LRMDA: variants seen among roughly 807,000 people sequenced by gnomAD.
LRMDA encodes the protein leucine-rich melanocyte differentiation-associated protein.
A neutral mutation model predicts 29.8 loss-of-function variants in LRMDA; 18 were observed. The ratio of observed to expected loss-of-function variants is 0.60; its 90% CI spans 0.42 to 0.90. The LOEUF (loss-of-function observed/expected upper bound fraction) is 0.90, where lower values mean the gene tolerates loss of function less well. Ranked by LOEUF, LRMDA falls within the 40% of genes least tolerant of loss-of-function variation. The probability of loss-of-function intolerance (pLI) is 0.00; values close to 1 mark genes in which losing one functional copy is unlikely to be tolerated. For synonymous variants in LRMDA, 125 were observed against 109.4 expected, an observed-to-expected ratio of 1.14 and a Z score of -0.89; for missense variants, 273 against 273.9, an observed-to-expected ratio of 1.00 and a Z score of 0.02.
chr10:75,714,380 G>A (rs1263775756), intron 2 of LRMDA, among the ~76,000 whole-genome samples: 3 of 152,148 alleles, frequency 2.0e-5, no homozygotes, highest in Admixed American at 1.3e-4. Context: ...CACATCCAGC[G>A]TCATTTGGGG....
At chr10:75,668,757 C>T (rs1262147588) in intron 2 of LRMDA, among the ~76,000 whole-genome samples, 2 of 152,100 alleles carry the variant, frequency 1.3e-5, no homozygotes, top group African/African-American at 4.8e-5. Flanking sequence ...AACAGGTTAC[C>T]TCAACTTTCT....
chr10:75,911,662 G>A (rs1265867070), intron 2 of LRMDA, among the ~76,000 whole-genome samples: 1 of 152,194 alleles, frequency 6.6e-6, no homozygotes, highest in African/African-American at 2.4e-5. Flanking sequence ...GGGGTAGTAA[G>A]TTAAATCACT....
intron 6 of LRMDA, among the ~76,000 whole-genome samples, chr10:76,355,348 T>A (rs1000822108): frequency 6.6e-6 from 1 of 152,114 alleles, no homozygotes; most frequent in African/African-American, 2.4e-5. Flanking sequence ...GAACTCTCCG[T>A]TAAAGAAATT....
At chr10:76,244,917 C>T (rs1347022595) in intron 5 of LRMDA, among the ~76,000 whole-genome samples, 1 of 152,142 alleles carries the variant, frequency 6.6e-6, no homozygotes, top group Non-Finnish European at 1.5e-5. Flanking sequence ...GCTAGCAGAG[C>T]TAGGGTCTGG....
chr10:75,790,625 ACTTT>A (rs913284542), intron 2 of LRMDA, among the ~76,000 whole-genome samples: 4 of 152,202 alleles, frequency 2.6e-5, no homozygotes, highest in African/African-American at 9.6e-5. Context: ...CTCGGCCTTC[ACTTT>A]CTTATGAAAA....
In LRMDA at chr10:76,063,293, C is replaced by T. The variant is rs1848732139; in HGVS notation, c.516+4510C>T. ...GTGAGGTGTCTTTGAAGACATGTCA[C>T]TTGTTTGTTTATGTGGGCACAGTGT... is the stretch of plus-strand genomic sequence containing the variant. On this transcript the variant is annotated intron_variant, in intron 5 of 6. Coordinates refer to ENST00000611255, the MANE Select transcript of LRMDA (RefSeq NM_001305581.2). Among the ~76,000 whole-genome samples, 7 of 152,178 alleles carry T rather than the reference C, an allele frequency of 4.6e-5. 1 individual carries two copies. Among genetic ancestry groups the T allele is most frequent in the Admixed American group, 4.6e-4 (7 of 15,278 alleles).
chr10:75,707,621 T>C (rs1187365752), intron 2 of LRMDA, among the ~76,000 whole-genome samples: 1 of 152,194 alleles, frequency 6.6e-6, no homozygotes, highest in African/African-American at 2.4e-5. Flanking sequence ...CTTCTCCCCT[T>C]TGAGGCTGCG....
chr10:76,018,716 C>T (rs545332953), intron 2 of LRMDA, among the ~76,000 whole-genome samples: 49 of 96,100 alleles, frequency 5.1e-4, no homozygotes, highest in Non-Finnish European at 9.2e-4. Flanking sequence ...TACAGGTGTG[C>T]GCCACCATGT....
rs192450288 is a variant in LRMDA at position 75,641,972 on chromosome 10, G to A, written c.131+203478G>A. 2.0e-5 allele frequency among the ~76,000 whole-genome samples: 3 copies of A among 152,280 alleles called. No homozygotes were observed. In the East Asian group the frequency reaches 5.8e-4, roughly 29 times the overall value. Reference sequence around the variant, plus strand: ...AAGTTATGATAAATGTGCAGAGAAAGTGTATTGTACTCATAACTCCTCACA... The same window carrying A: ...AAGTTATGATAAATGTGCAGAGAAAATGTATTGTACTCATAACTCCTCACA... On this transcript the variant is annotated intron_variant, in intron 2 of 6. Transcript: ENST00000611255.
At chr10:76,025,924 C>T (rs1848055503) in intron 2 of LRMDA, among the ~76,000 whole-genome samples, 1 of 152,114 alleles carries the variant, frequency 6.6e-6, no homozygotes, top group Non-Finnish European at 1.5e-5. Context: ...CTTGTAGCTC[C>T]AGAGACTAGC....
intron 2 of LRMDA, among the ~76,000 whole-genome samples, chr10:75,539,064 C>T (rs1344537377): frequency 6.6e-6 from 1 of 152,124 alleles, no homozygotes; most frequent in Non-Finnish European, 1.5e-5. Flanking sequence ...GAATACATAT[C>T]GTATGGTTTA....
intron 2 of LRMDA, among the ~76,000 whole-genome samples, chr10:75,979,383 C>T (rs1464606771): frequency 6.6e-6 from 1 of 152,116 alleles, no homozygotes. Context: ...ACAATTAAAA[C>T]TAGTGCTTTA....
chr10:76,049,420 A>G (rs1489749480), intron 4 of LRMDA, among the ~76,000 whole-genome samples: 1 of 152,232 alleles, frequency 6.6e-6, no homozygotes, highest in African/African-American at 2.4e-5. Context: ...AGCACAAGGA[A>G]CAGTAAATAT....
chr10:75,591,808 G>A (rs868713178), intron 2 of LRMDA, among the ~76,000 whole-genome samples: 1 of 152,100 alleles, frequency 6.6e-6, no homozygotes, highest in South Asian at 2.1e-4. Flanking sequence ...TAGGTGCTGG[G>A]GATATTGCTC....
intron 6 of LRMDA, among the ~76,000 whole-genome samples, chr10:76,554,884 T>TGTGTGTGTGTG: frequency 6.7e-6 from 1 of 149,824 alleles, no homozygotes; most frequent in East Asian, 2.0e-4. Flanking sequence ...TGTGTGTGTG[T>TGTGTGTGTGTG]GTGTGTGTGT....
intron 6 of LRMDA, among the ~76,000 whole-genome samples, chr10:76,352,033 G>T (rs1405557091): frequency 1.3e-5 from 2 of 152,104 alleles, no homozygotes; most frequent in African/African-American, 2.4e-5. Context: ...TGACCACTCT[G>T]CATCTCCCTC....
At chr10:76,107,634 T>C (rs895289620) in intron 5 of LRMDA, among the ~76,000 whole-genome samples, 3 of 152,218 alleles carry the variant, frequency 2.0e-5, no homozygotes, top group African/African-American at 7.2e-5. Flanking sequence ...CTGTTAACAC[T>C]GTTTCCTCCC....
intron 2 of LRMDA, among the ~76,000 whole-genome samples, chr10:75,965,108 A>C (rs1846835318): frequency 6.6e-6 from 1 of 152,172 alleles, no homozygotes; most frequent in Non-Finnish European, 1.5e-5. Flanking sequence ...CCCTTAAGCA[A>C]GTTACTTTAG....
In LRMDA at chr10:75,963,000, T is replaced by G. The variant is rs887276488; in HGVS notation, c.132-73008T>G. Among the ~76,000 whole-genome samples the G allele has an allele frequency of 2.0e-3, 308 of 152,266 alleles. 7 individuals carry two copies. Among genetic ancestry groups the G allele is most frequent in the Non-Finnish European group, 5.9e-4 (40 of 68,014 alleles). The stretch of plus-strand genomic sequence containing the variant: ...GCTGTGGGGTTCAGGGAAGACCAAT[T>G]AGGGAATTAATTCATTAGAGCCCAG... On this transcript the variant is annotated intron_variant, in intron 2 of 6. Coordinates refer to ENST00000611255, the MANE Select transcript of LRMDA (RefSeq NM_001305581.2).
Sources: gnomAD v4.1 joint callset for allele counts (sites outside exome capture counted in the v4.1 genomes callset) on GRCh38, gnomAD v4.1.1 for gene constraint, MANE v1.5 for transcripts, NCBI Gene and HGNC (gene_info 2026-07-23, HGNC 2026-07-21) for gene names.